SCARA3: variants seen among roughly 807,000 people sequenced by gnomAD.
SCARA3 encodes the protein cellular stress response gene protein.
Under a neutral mutation model 47.0 loss-of-function variants are expected in SCARA3, and 39 were observed. That is an observed-to-expected ratio of 0.83 (90% CI 0.64 to 1.08). SCARA3 has a LOEUF of 1.08. Ranked by LOEUF, SCARA3 falls within the 50% of genes least tolerant of loss-of-function variation. The pLI, the probability that SCARA3 is intolerant of heterozygous loss-of-function variation, is 0.00. For synonymous variants in SCARA3, 356 were observed against 334.1 expected (o/e 1.07, Z -0.71); for missense variants, 724 against 792.3 (o/e 0.91, Z 1.04).
chr8:27,649,646 G>A, intron 1 of SCARA3, 56 bp from the exon 2 acceptor site: 1 of 1,519,442 alleles, frequency 6.6e-7, no homozygotes, highest in Non-Finnish European at 9.1e-7. Flanking sequence ...AAATAAAAGG[G>A]GCTGCTGGAG....
At chr8:27,636,512 A>T (rs994770651) in intron 1 of SCARA3, among the ~76,000 whole-genome samples, 3 of 152,178 alleles carry the variant, frequency 2.0e-5, no homozygotes, top group Non-Finnish European at 4.4e-5. Context: ...GCTGGTGTGA[A>T]TGAATATTTA....
At chr8:27,638,314 TTGTGTG>T (rs55695492) in intron 1 of SCARA3, among the ~76,000 whole-genome samples, 34 of 146,734 alleles carry the variant, frequency 2.3e-4, no homozygotes, top group South Asian at 8.8e-4. Flanking sequence ...AATTTAGTGA[TTGTGTG>T]TGTGTGTGTG....
chr8:27,710,529 G>A, the SCARA3 span, among the ~76,000 whole-genome samples: 1 of 152,114 alleles, frequency 6.6e-6, no homozygotes, highest in Non-Finnish European at 1.5e-5. Flanking sequence ...GTACCCGGAT[G>A]AACGAAAACT....
intron 1 of SCARA3, 91 bp downstream of exon 1, chr8:27,634,298 G>A (rs1250203406): frequency 7.7e-6 from 9 of 1,170,320 alleles, no homozygotes; most frequent in Admixed American, 3.8e-5. Context: ...CTGCAGGCGA[G>A]GCTGAGAGGA....
Position 27,659,051 on chromosome 8 carries a change from C to G in SCARA3, c.881C>G (p.Ser294Ter), listed in dbSNP as rs1335210459. ...GASSQRISQNSESMHDLVLQV... is the reference protein window; with the variant it reads ...GASSQRISQN ...TCCTCACAGCGCATCAGCCAGAACT[C>G]AGAGAGCATGCACGACCTGGTACTC... The change falls in exon 5 of 6, where the codon TCA becomes TGA. Residue 294 changes from serine to a stop codon, truncating the protein, a stop_gained. Transcript: ENST00000301904. LOFTEE classifies it high-confidence loss of function. 1 of 1,614,012 alleles carries G rather than the reference C, an allele frequency of 6.2e-7. No individual in the cohort carries two copies. The highest frequency in any genetic ancestry group is 8.5e-7 in the Non-Finnish European group (1 of 1,180,018).
Position 27,659,038 on chromosome 8 carries a change from A to C in SCARA3, c.868A>C (p.Ile290Leu). Residue 290 changes from isoleucine (I) to leucine (L), a missense_variant, in exon 5 of 6, where the codon ATC (isoleucine) becomes CTC (leucine). Transcript: ENST00000301904. ...QATLGASSQR[I>L]SQNSESMHDL... ...CACCCTGGGGGCCTCCTCACAGCGC[A>C]TCAGCCAGAACTCAGAGAGCATGCA... 1.2e-6 allele frequency: 2 copies of C among 1,614,098 alleles called. No homozygotes were observed. Among genetic ancestry groups the C allele is most frequent in the Non-Finnish European group, 8.5e-7 (1 of 1,180,012 alleles).
intron 1 of SCARA3, among the ~76,000 whole-genome samples, chr8:27,641,217 C>T (rs1042067413): frequency 5.9e-5 from 9 of 152,218 alleles, no homozygotes; most frequent in Admixed American, 2.6e-4. Flanking sequence ...TCAAAGGGCA[C>T]TCGCCCTTGC....
At chr8:27,683,740 C>T in the SCARA3 span, among the ~76,000 whole-genome samples, 1 of 152,062 alleles carries the variant, frequency 6.6e-6, no homozygotes, top group Non-Finnish European at 1.5e-5. Context: ...AAACTGGAAA[C>T]AGCCCATATA....
chr8:27,721,838 A>G, the SCARA3 span, among the ~76,000 whole-genome samples: 2 of 152,326 alleles, frequency 1.3e-5, no homozygotes, highest in South Asian at 2.1e-4. Context: ...TCGGGAAGCC[A>G]AGGCAGGTGG....
At chr8:27,646,838 G>A (rs1327429941) in intron 1 of SCARA3, among the ~76,000 whole-genome samples, 1 of 152,142 alleles carries the variant, frequency 6.6e-6, no homozygotes, top group Non-Finnish European at 1.5e-5. Context: ...ACTGTTGGCA[G>A]ATTGACGATG....
chr8:27,722,876 C>T, the SCARA3 span, among the ~76,000 whole-genome samples: 1 of 152,158 alleles, frequency 6.6e-6, no homozygotes, highest in African/African-American at 2.4e-5. Context: ...CCCTTTTCTC[C>T]TAGTGACCCC....
Position 27,633,982 on chromosome 8 carries a change from C to G in SCARA3, c.-219C>G, listed in dbSNP as rs1290392006. Reference sequence around the variant, plus strand: ...GCGGCGGGGCGCGGCGCTAGGCGCCCGGCGGGGCTTCCCCAGGCTGCGACC... The same window carrying G: ...GCGGCGGGGCGCGGCGCTAGGCGCCGGGCGGGGCTTCCCCAGGCTGCGACC... On this transcript the variant is annotated 5_prime_UTR_variant, in exon 1 of 6. Transcript: ENST00000301904. 2.9e-5 allele frequency: 7 copies of G among 242,710 alleles called. No homozygotes were observed. Among genetic ancestry groups the G allele is most frequent in the Admixed American group, 5.7e-5 (1 of 17,590 alleles). 15.0% of individuals were successfully genotyped at this position (242,710 alleles called of 1,614,324 possible). A position where few individuals can be genotyped will look rare whatever the true frequency, so the allele number is the denominator to read the frequency against.
downstream of SCARA3, among the ~76,000 whole-genome samples, chr8:27,675,956 A>G (rs1303278132): frequency 6.6e-6 from 1 of 152,192 alleles, no homozygotes; most frequent in Non-Finnish European, 1.5e-5. Flanking sequence ...CTGACGCCCC[A>G]GATAAAACTT....
Position 27,634,135 on chromosome 8 carries a change from G to T in SCARA3, c.-66G>T. Reference sequence around the variant, plus strand: ...CCGCGCCCTGGAGGATCCGCCGGCCGCCCGGCTCCACTACAGCTCCAGCCG... The same window carrying T: ...CCGCGCCCTGGAGGATCCGCCGGCCTCCCGGCTCCACTACAGCTCCAGCCG... On this transcript the variant is annotated 5_prime_UTR_variant, in exon 1 of 6. Transcript: ENST00000301904. 7.0e-7 allele frequency: 1 copy of T among 1,424,238 alleles called. No homozygotes were observed. Among genetic ancestry groups the T allele is most frequent in the South Asian group, 1.5e-5 (1 of 66,760 alleles). 88.2% of individuals were successfully genotyped at this position (1,424,238 alleles called of 1,614,324 possible).
At chr8:27,708,157 G>A in the SCARA3 span, among the ~76,000 whole-genome samples, 25 of 152,250 alleles carry the variant, frequency 1.6e-4, no homozygotes, top group East Asian at 1.9e-4. Flanking sequence ...AGGAATAGCC[G>A]TCCAAACTGG....
downstream of SCARA3, among the ~76,000 whole-genome samples, chr8:27,678,921 C>T (rs1438956062): frequency 6.6e-6 from 1 of 152,154 alleles, no homozygotes; most frequent in Non-Finnish European, 1.5e-5. Context: ...GGTGTGGTGG[C>T]TCACGCCTGT....
the SCARA3 span, among the ~76,000 whole-genome samples, chr8:27,715,269 C>T: frequency 6.6e-6 from 1 of 152,190 alleles, no homozygotes; most frequent in African/African-American, 2.4e-5. This position sits in a 1 kb window ranked among gnomAD's most constrained non-coding sequence, Gnocchi z 4.2. Flanking sequence ...CCTAGAATGC[C>T]CACCTCATTA....
At chr8:27,730,415 T>G in the SCARA3 span, among the ~76,000 whole-genome samples, 6 of 151,742 alleles carry the variant, frequency 4.0e-5, no homozygotes, top group Non-Finnish European at 7.4e-5. Flanking sequence ...GCTGAGCCAC[T>G]GCTTCCGCCA....
the SCARA3 span, among the ~76,000 whole-genome samples, chr8:27,719,441 T>A: frequency 8.6e-5 from 13 of 151,814 alleles, no homozygotes; most frequent in East Asian, 2.5e-3. Flanking sequence ...AATGGCTTAA[T>A]ACCTGGGTGA....
Sources: allele counts gnomAD v4.1 joint callset (sites outside exome capture counted in the v4.1 genomes callset), GRCh38; gene constraint gnomAD v4.1.1; non-coding constraint Gnocchi (gnomAD v3.1); transcripts MANE v1.5; gene names NCBI Gene and HGNC (gene_info 2026-07-23, HGNC 2026-07-21).